The following TSPAN5 variants were observed in gnomAD, a reference collection of about 807,000 sequenced individuals.
The protein encoded by TSPAN5 is tetraspanin 5.
Under a neutral mutation model 37.1 loss-of-function variants are expected in TSPAN5, and 10 were observed. The observed-to-expected ratio is 0.27, with a 90% CI of 0.17 to 0.46. The LOEUF is 0.46. Among genes scored for constraint, TSPAN5 ranks in the 20% least tolerant of loss-of-function variants. The probability of loss-of-function intolerance (pLI) is 1.00; values close to 1 mark genes in which losing one functional copy is unlikely to be tolerated. For missense variants in TSPAN5, 195 were observed against 326.6 expected, an observed-to-expected ratio of 0.60 and a Z score of 3.11; for synonymous variants, 110 against 118.9, an observed-to-expected ratio of 0.93 and a Z score of 0.48.
chr4:98,558,105 A>AT (rs1405893709), intron 1 of TSPAN5, among the ~76,000 whole-genome samples: 1 of 152,242 alleles, frequency 6.6e-6, no homozygotes, highest in Non-Finnish European at 1.5e-5. Flanking sequence ...GTTGTAACAA[A>AT]TGCAGTATAT....
intron 1 of TSPAN5, among the ~76,000 whole-genome samples, chr4:98,623,319 C>T (rs578222868): frequency 6.6e-6 from 1 of 152,324 alleles, no homozygotes; most frequent in South Asian, 2.1e-4. Flanking sequence ...CTGGAGAAGA[C>T]AGTTGGATGC....
chr4:98,607,079 C>T (rs1281542958), intron 1 of TSPAN5, among the ~76,000 whole-genome samples: 1 of 152,144 alleles, frequency 6.6e-6, no homozygotes, highest in Non-Finnish European at 1.5e-5. Flanking sequence ...TGGTCAGCAT[C>T]CTCCATTTCC....
At chr4:98,570,831 C>A (rs1430255449) in intron 1 of TSPAN5, among the ~76,000 whole-genome samples, 1 of 152,054 alleles carries the variant, frequency 6.6e-6, no homozygotes. Context: ...ATGTCCACAT[C>A]GCACCTCCTA....
At chr4:98,486,459 C>A in intron 3 of TSPAN5, 1 of 378,326 alleles carries the variant, frequency 2.6e-6, no homozygotes. Context: ...CTACCTTAGT[C>A]CTAAAGATAT....
chr4:98,625,364 C>G (rs1317142396), intron 1 of TSPAN5, among the ~76,000 whole-genome samples: 1 of 152,202 alleles, frequency 6.6e-6, no homozygotes, highest in Admixed American at 6.5e-5. Context: ...CCCAGTCACA[C>G]TGATAGTTCC....
chr4:98,509,750 A>G (rs1753564402), intron 1 of TSPAN5: 1 of 152,174 alleles, frequency 6.6e-6, no homozygotes, highest in African/African-American at 2.4e-5. Flanking sequence ...GGTACTTAGG[A>G]CTCTGTAGCA....
At chr4:98,532,481 GCTCT>G (rs1457664712) in intron 1 of TSPAN5, among the ~76,000 whole-genome samples, 7 of 152,074 alleles carry the variant, frequency 4.6e-5, no homozygotes, top group African/African-American at 9.7e-5. Context: ...TCATGATTTG[GCTCT>G]CTGTTTGTCT....
chr4:98,501,428 C>T (rs1391428899), intron 2 of TSPAN5, among the ~76,000 whole-genome samples: 7 of 152,076 alleles, frequency 4.6e-5, no homozygotes, highest in East Asian at 3.9e-4. Context: ...TTGCTATGTG[C>T]CATCTAACAT....
At chr4:98,639,221 C>T (rs868854996) in intron 1 of TSPAN5, among the ~76,000 whole-genome samples, 30 of 152,176 alleles carry the variant, frequency 2.0e-4, no homozygotes, top group Admixed American at 3.3e-4. Flanking sequence ...CCCTGCTACA[C>T]TCTCAATGTC....
chr4:98,631,899 T>G (rs1043300738), intron 1 of TSPAN5, among the ~76,000 whole-genome samples: 1 of 152,136 alleles, frequency 6.6e-6, no homozygotes, highest in Non-Finnish European at 1.5e-5. Flanking sequence ...TTTTTAGTTT[T>G]TCACTGTTAG....
chr4:98,624,857 C>T (rs1327113034), intron 1 of TSPAN5, among the ~76,000 whole-genome samples: 1 of 152,188 alleles, frequency 6.6e-6, no homozygotes, highest in Admixed American at 6.5e-5. Flanking sequence ...TGGCAGCCTA[C>T]TTCCAGGAAG....
intron 1 of TSPAN5, among the ~76,000 whole-genome samples, chr4:98,525,468 G>GGGT (rs1753941111): frequency 6.6e-6 from 1 of 152,198 alleles, no homozygotes; most frequent in African/African-American, 2.4e-5. Flanking sequence ...GTCCTGTCTA[G>GGGT]GGTGGGTCCC....
intron 1 of TSPAN5, among the ~76,000 whole-genome samples, chr4:98,508,994 C>A (rs752391737): frequency 4.6e-5 from 7 of 152,086 alleles, no homozygotes; most frequent in Non-Finnish European, 8.8e-5. Context: ...GTAACTGGGG[C>A]GACACAGACT....
chr4:98,497,194 T>C (rs529883334), intron 2 of TSPAN5, among the ~76,000 whole-genome samples: 1 of 151,884 alleles, frequency 6.6e-6, no homozygotes, highest in South Asian at 2.1e-4. Context: ...GCGTGCGCCT[T>C]GTAGTCCCAG....
rs570920004 is a variant in TSPAN5 at position 98,592,438 on chromosome 4, T to G, written c.81+65708A>C. Among the ~76,000 whole-genome samples, 438 of 148,804 alleles carry G rather than the reference T, an allele frequency of 2.9e-3. 4 individuals carry two copies. Among genetic ancestry groups the G allele is most frequent in the East Asian group, 6.6e-3 (34 of 5,136 alleles). On this transcript the variant is annotated intron_variant, in intron 1 of 7. Coordinates refer to ENST00000305798, the MANE Select transcript of TSPAN5 (RefSeq NM_005723.4). ...GGATCTCTGTTTTTTGTTTTTTTTT[T>G]TTTTTTTTTTATTATACTCTAAGTT...
chr4:98,549,292 G>GGTTTTTTTTTTTT, intron 1 of TSPAN5, among the ~76,000 whole-genome samples: 1 of 147,166 alleles, frequency 6.8e-6, no homozygotes, highest in Non-Finnish European at 1.5e-5. Context: ...TTGTTTGTTT[G>GGTTTTTTTTTTTT]TTTGTTTTTG....
intron 1 of TSPAN5, among the ~76,000 whole-genome samples, chr4:98,657,347 G>A (rs1005548299): frequency 1.3e-5 from 2 of 150,664 alleles, no homozygotes; most frequent in Admixed American, 6.6e-5. Context: ...AACATGCCTC[G>A]CACACCTTCT....
rs1358039132 is a variant in TSPAN5, at chr4:98,554,066, A to G, written c.82-46338T>C. On this transcript the variant is annotated intron_variant, in intron 1 of 7. Coordinates refer to ENST00000305798, the MANE Select transcript of TSPAN5 (RefSeq NM_005723.4). ...TGGGTGACAGAGCGAGACTCTATCTAAAAAAAAAATAAATTAAAAAAAAAA... is the reference window on the plus strand; with the variant it reads ...TGGGTGACAGAGCGAGACTCTATCTGAAAAAAAAATAAATTAAAAAAAAAA... 1.8e-4 allele frequency among the ~76,000 whole-genome samples: 27 copies of G among 149,698 alleles called. 1 individual carries two copies. Among genetic ancestry groups the G allele is most frequent in the African/African-American group, 6.6e-4 (27 of 40,658 alleles).
At chr4:98,574,754 G>A (rs143217386) in intron 1 of TSPAN5, 2 of 152,320 alleles carry the variant, frequency 1.3e-5, no homozygotes, top group African/African-American at 4.8e-5. Flanking sequence ...CTAAAAGCAC[G>A]AAGGGTGCCT....
Sources: allele counts gnomAD v4.1 joint callset (sites outside exome capture counted in the v4.1 genomes callset), GRCh38; gene constraint gnomAD v4.1.1; transcripts MANE v1.5; gene names NCBI Gene and HGNC (gene_info 2026-07-23, HGNC 2026-07-21).